The following NCOR2 variants were observed in gnomAD, a reference collection of about 807,000 sequenced individuals.
NCOR2 encodes nuclear receptor corepressor 2.
A neutral mutation model predicts 262.9 loss-of-function variants in NCOR2; 81 were observed. The ratio of observed to expected loss-of-function variants is 0.31; its 90% confidence interval spans 0.26 to 0.37. The LOEUF is 0.37. NCOR2 is among the 10% of genes least tolerant of loss of function. NCOR2 has a pLI of 1.00. For missense variants in NCOR2, 3,385 were observed against 3,621.4 expected (o/e 0.93, Z 1.68); for synonymous variants, 1,659 against 1,559.3 (o/e 1.06, Z -1.51).
chr12:124,345,093 G>A, intron 31 of NCOR2, 142 bp from the exon 34 acceptor site: 1 of 785,740 alleles, frequency 1.3e-6, no homozygotes, highest in Non-Finnish European at 2.0e-6. Context: ...GAGACAGAGG[G>A]CTTTGCTAAC....
At chr12:124,543,791 C>T (rs1299071273) in intron 1 of NCOR2, among the ~76,000 whole-genome samples, 1 of 152,180 alleles carries the variant, frequency 6.6e-6, no homozygotes, top group Non-Finnish European at 1.5e-5. Context: ...GCCGGGAGGC[C>T]GCGGAGGCCC....
chr12:124,374,322 C>T, intron 19 of NCOR2, 91 bp downstream of exon 21: 4 of 1,333,984 alleles, frequency 3.0e-6, no homozygotes, highest in Non-Finnish European at 4.3e-6. Flanking sequence ...GGCATGTGCT[C>T]AGAAGCGGGG....
chr12:124,519,089 TACACACACAC>T (rs57438929), intron 1 of NCOR2, among the ~76,000 whole-genome samples: 21 of 97,320 alleles, frequency 2.2e-4, no homozygotes, highest in African/African-American at 6.2e-4. Flanking sequence ...GGCCAAATAA[TACACACACAC>T]ACACACACAC....
intron 12 of NCOR2, among the ~76,000 whole-genome samples, chr12:124,422,049 C>T (rs1279462187): frequency 6.6e-6 from 1 of 152,234 alleles, no homozygotes; most frequent in African/African-American, 2.4e-5. Flanking sequence ...TCAGAGGGAC[C>T]TAGAAAAGCT....
intron 6 of NCOR2, among the ~76,000 whole-genome samples, chr12:124,455,162 G>A (rs947910802): frequency 6.6e-6 from 1 of 152,216 alleles, no homozygotes; most frequent in Non-Finnish European, 1.5e-5. Flanking sequence ...ATTGACCGTG[G>A]TGACAGTTGC....
chr12:124,391,304 G>A (rs1399621568), intron 16 of NCOR2, among the ~76,000 whole-genome samples: 2 of 152,052 alleles, frequency 1.3e-5, no homozygotes, highest in Non-Finnish European at 2.9e-5. Flanking sequence ...CTCCAGCCTT[G>A]ACGTTTCCCA....
At position 124,440,987 on chromosome 12, in the gene NCOR2, G is replaced by A. The variant is rs893812436; in HGVS notation, c.816-2991C>T. ...AGTGCTGGGGAGGGGCAGAGAGGACGGAGGAGGGGCTGTGAGCAAGACTGG... is the reference window on the plus strand; with the variant it reads ...AGTGCTGGGGAGGGGCAGAGAGGACAGAGGAGGGGCTGTGAGCAAGACTGG... On this transcript the variant is annotated intron_variant, in intron 7 of 46. Coordinates refer to ENST00000405201, the Ensembl canonical transcript of NCOR2. This position sits in a 1 kb window ranked among gnomAD's most constrained non-coding sequence, Gnocchi z 5.7. 2.0e-5 allele frequency among the ~76,000 whole-genome samples: 3 copies of A among 152,182 alleles called. No individual in the cohort carries two copies. The highest frequency in any genetic ancestry group is 6.5e-5 in the Admixed American group (1 of 15,278).
chr12:124,348,353 C>A lies in NCOR2; in HGVS notation c.3845-39G>T, dbSNP rs191452494. 11 of 1,569,926 alleles carry A rather than the reference C, an allele frequency of 7.0e-6. No homozygotes were observed. In the East Asian group the frequency reaches 2.0e-4, roughly 29 times the overall value. ...AAAGCACTCGGTGAGGAGCTGGGCA[C>A]GGGCCCAGGACCACGGTGGGCAGGC... is the stretch of plus-strand genomic sequence containing the variant. On this transcript the variant is annotated intron_variant, in intron 28 of 46. Transcript: ENST00000405201.
intron 1 of NCOR2, among the ~76,000 whole-genome samples, chr12:124,507,150 A>T (rs1444855808): frequency 4.6e-5 from 7 of 152,204 alleles, no homozygotes; most frequent in African/African-American, 1.7e-4. Context: ...AGAGTCACTG[A>T]ATTCATAGAG....
In NCOR2 at chr12:124,400,650, CCT is replaced by C. The variant is rs2041942147; in HGVS notation, c.1662_1663del (p.Glu556GlyfsTer32). 2 of 1,614,088 alleles carry C rather than the reference CCT, an allele frequency of 1.2e-6. No homozygotes were observed. The highest frequency in any genetic ancestry group is 1.7e-6 in the Non-Finnish European group (2 of 1,180,054). On this transcript the variant is annotated frameshift_variant, in exon 15 of 47. Transcript: ENST00000405201. LOFTEE classifies it high-confidence loss of function. ...AGCCTCCTTCTCGTCGTTGTCCTCC[CCT>C]GAGGTGTCGTCTGTCTTCTCCCTAC... is the stretch of plus-strand genomic sequence containing the variant.
In NCOR2 at chr12:124,440,312, C is replaced by T. The variant is rs915688325; in HGVS notation, c.816-2316G>A. Among the ~76,000 whole-genome samples, 2 of 152,192 alleles carry T rather than the reference C, an allele frequency of 1.3e-5. No homozygotes were observed. Among genetic ancestry groups the T allele is most frequent in the African/African-American group, 4.8e-5 (2 of 41,442 alleles). ...AAAAGGAGGGAACCCCAGGCTCTGA[C>T]GGACGAGTGAAGCCTCATGGGGCTC... On this transcript the variant is annotated intron_variant, in intron 7 of 46. Coordinates refer to ENST00000405201, the Ensembl canonical transcript of NCOR2. The surrounding 1 kb of genome is among the most constrained non-coding windows in gnomAD (Gnocchi z 5.7).
At chr12:124,327,550 T>A in exon 45 of NCOR2, 1 of 1,613,858 alleles carries the variant, frequency 6.2e-7, no homozygotes, top group Non-Finnish European at 8.5e-7. Context: ...TATTTACCCA[T>A]GAGTGCCTTT....
At chr12:124,398,925 G>A (rs1038786011) in intron 15 of NCOR2, among the ~76,000 whole-genome samples, 3 of 152,244 alleles carry the variant, frequency 2.0e-5, no homozygotes, top group Non-Finnish European at 2.9e-5. Flanking sequence ...CTGCATCTCT[G>A]CAGTGGCACT....
chr12:124,562,715 C>A (rs1419904972), intron 1 of NCOR2, among the ~76,000 whole-genome samples: 1 of 152,204 alleles, frequency 6.6e-6, no homozygotes, highest in Non-Finnish European at 1.5e-5. Flanking sequence ...GGGCAACAAG[C>A]CGAAGCCTGG....
At chr12:124,385,630 G>T in intron 17 of NCOR2, 115 bp downstream of exon 19, 1 of 1,438,474 alleles carries the variant, frequency 7.0e-7, no homozygotes, top group Non-Finnish European at 9.3e-7. Flanking sequence ...TAACAAGGCG[G>T]CATAATAGCC....
chr12:124,331,353 G>A (rs1288520746), intron 43 of NCOR2: 13 of 165,086 alleles, frequency 7.9e-5, no homozygotes, highest in South Asian at 1.7e-4. Flanking sequence ...GTAAGCCACC[G>A]CGCCTGGCCA....
intron 1 of NCOR2, among the ~76,000 whole-genome samples, chr12:124,557,360 C>T (rs957544741): frequency 1.3e-5 from 2 of 152,198 alleles, no homozygotes; most frequent in Non-Finnish European, 1.5e-5. Context: ...GGAGGCTCTG[C>T]GGGGGAGTCT....
At chr12:124,390,182 C>T (rs1165668609) in intron 16 of NCOR2, among the ~76,000 whole-genome samples, 2 of 152,188 alleles carry the variant, frequency 1.3e-5, no homozygotes, top group Non-Finnish European at 2.9e-5. Context: ...TCTCAGTGCA[C>T]TTTTAAGGAT....
At chr12:124,431,772 A>G (rs1471745404) in intron 8 of NCOR2, among the ~76,000 whole-genome samples, 1 of 151,406 alleles carries the variant, frequency 6.6e-6, no homozygotes, top group Non-Finnish European at 1.5e-5. Flanking sequence ...ACAGTCACAC[A>G]GTCACATGGC....
Sources: allele counts gnomAD v4.1 joint callset (sites outside exome capture counted in the v4.1 genomes callset), GRCh38; gene constraint gnomAD v4.1.1; non-coding constraint Gnocchi (gnomAD v3.1); transcripts MANE v1.5; gene names NCBI Gene and HGNC (gene_info 2026-07-23, HGNC 2026-07-21).